NLGN4X: variants seen among roughly 807,000 people sequenced by gnomAD.
NLGN4X encodes neuroligin-4, X-linked.
Under a neutral mutation model 40.3 loss-of-function variants are expected in NLGN4X, and 3 were observed. That is an observed-to-expected ratio of 0.07 (90% CI 0.03 to 0.19). The LOEUF (loss-of-function observed/expected upper bound fraction) is 0.19. Among genes scored for constraint, NLGN4X ranks in the 10% least tolerant of loss-of-function variants. NLGN4X has a pLI of 1.00. For missense variants in NLGN4X, 382 were observed against 708.3 expected, an observed-to-expected ratio of 0.54 and a Z score of 5.23; for synonymous variants, 270 against 306.8, an observed-to-expected ratio of 0.88 and a Z score of 1.25.
chrX:5,972,823 C>T (rs1321053858), intron 3 of NLGN4X, among the ~76,000 whole-genome samples: 1 of 110,535 alleles, frequency 9.0e-6, no homozygotes, highest in Admixed American at 9.7e-5. Context: ...GCTGGGATTA[C>T]AGGCATGAGA....
At chrX:5,906,418 G>A (rs1181855994) in intron 4 of NLGN4X, among the ~76,000 whole-genome samples, 1 of 112,073 alleles carries the variant, frequency 8.9e-6, no homozygotes, top group African/African-American at 3.2e-5. Flanking sequence ...TGCCAATGAA[G>A]ACACTGAGGA....
intron 2 of NLGN4X, among the ~76,000 whole-genome samples, chrX:6,074,044 C>T (rs2038132395): frequency 9.0e-6 from 1 of 110,514 alleles, no homozygotes; most frequent in African/African-American, 3.3e-5. Flanking sequence ...AGGGTCTTCT[C>T]AGGTTCCATT....
At chrX:6,125,603 AG>A (rs1420286635) in intron 2 of NLGN4X, among the ~76,000 whole-genome samples, 21 of 111,461 alleles carry the variant, frequency 1.9e-4, no homozygotes, top group African/African-American at 6.8e-4. Flanking sequence ...GAAATATTTG[AG>A]GAAAAAAACA....
intron 3 of NLGN4X, among the ~76,000 whole-genome samples, chrX:6,022,093 T>C (rs779545572): frequency 8.9e-6 from 1 of 112,511 alleles, no homozygotes; most frequent in Admixed American, 9.4e-5. Flanking sequence ...TGCTTAACTT[T>C]CCTTTCTCCT....
At chrX:6,116,171 C>T (rs1476516443) in intron 2 of NLGN4X, among the ~76,000 whole-genome samples, 3 of 103,143 alleles carry the variant, frequency 2.9e-5, no homozygotes, top group East Asian at 3.1e-4. Context: ...TGGGCGCCTG[C>T]AGTCCCAGCT....
chrX:6,065,901 G>C (rs1378621356), intron 2 of NLGN4X, among the ~76,000 whole-genome samples: 1 of 111,312 alleles, frequency 9.0e-6, no homozygotes, highest in East Asian at 2.8e-4. Flanking sequence ...CCCGAGAAAT[G>C]CATGTCAAAT....
At chrX:6,133,403 A>G (rs1490179878) in intron 2 of NLGN4X, among the ~76,000 whole-genome samples, 1 of 112,350 alleles carries the variant, frequency 8.9e-6, no homozygotes, top group Non-Finnish European at 1.9e-5. Flanking sequence ...CTGAACACAG[A>G]TATACTTTGC....
chrX:6,225,061 C>G (rs1602457248), intron 1 of NLGN4X, among the ~76,000 whole-genome samples: 1 of 89,842 alleles, frequency 1.1e-5, no homozygotes, highest in African/African-American at 4.2e-5. Flanking sequence ...GTGTGTATGT[C>G]TGTATACACA....
At chrX:6,024,165 G>A (rs2036624533) in intron 3 of NLGN4X, among the ~76,000 whole-genome samples, 1 of 111,786 alleles carries the variant, frequency 8.9e-6, no homozygotes, top group African/African-American at 3.3e-5. Flanking sequence ...TTTATTACCT[G>A]GATTAATGTC....
At chrX:6,042,730 T>TATATATATATATATACATACAC (rs1215396694) in intron 2 of NLGN4X, among the ~76,000 whole-genome samples, 1 of 20,149 alleles carries the variant, frequency 5.0e-5, no homozygotes, top group Non-Finnish European at 9.1e-5. Flanking sequence ...TATATATATA[T>TATATATATATATATACATACAC]ACACACACAC....
At chrX:6,215,645 A>C (rs1263011669) in intron 1 of NLGN4X, among the ~76,000 whole-genome samples, 1 of 111,426 alleles carries the variant, frequency 9.0e-6, no homozygotes, top group Non-Finnish European at 1.9e-5. Context: ...GCTCAAGTAC[A>C]TTCAAGTCCT....
intron 3 of NLGN4X, among the ~76,000 whole-genome samples, chrX:5,989,657 A>G (rs2035626314): frequency 8.9e-6 from 1 of 111,923 alleles, no homozygotes; most frequent in Non-Finnish European, 1.9e-5. Context: ...ATGGTTTTTA[A>G]TAACACTTTA....
intron 2 of NLGN4X, among the ~76,000 whole-genome samples, chrX:6,144,064 G>A (rs1340843077): frequency 8.9e-6 from 1 of 111,830 alleles, no homozygotes; most frequent in East Asian, 2.8e-4. Flanking sequence ...AGCTATGACT[G>A]TGACACTGCA....
chrX:6,211,977 G>A (rs1249378710), intron 1 of NLGN4X, among the ~76,000 whole-genome samples: 1 of 111,692 alleles, frequency 9.0e-6, no homozygotes, highest in African/African-American at 3.3e-5. Context: ...TGGGCACAGT[G>A]GCTCATGTCT....
intron 1 of NLGN4X, among the ~76,000 whole-genome samples, chrX:6,201,856 G>A (rs1365672088): frequency 9.0e-6 from 1 of 110,618 alleles, no homozygotes; most frequent in African/African-American, 3.3e-5. Context: ...AGAAGTGAGA[G>A]CAGAAGATAG....
chrX:5,953,651 A>G (rs2034389740), intron 3 of NLGN4X, among the ~76,000 whole-genome samples: 1 of 112,259 alleles, frequency 8.9e-6, no homozygotes, highest in African/African-American at 3.2e-5. Context: ...GTGTATTTGA[A>G]GAGAAACACT....
At chrX:5,983,822 T>G (rs896674333) in intron 3 of NLGN4X, among the ~76,000 whole-genome samples, 6 of 111,881 alleles carry the variant, frequency 5.4e-5, no homozygotes, top group Middle Eastern at 4.6e-3. Flanking sequence ...GGCATGTGAC[T>G]GTAGTCCCAG....
rs1254082703 is a variant in NLGN4X at position 5,948,019 on chromosome X, T to C, written c.626-38780A>G. Among the ~76,000 whole-genome samples, 3 of 111,527 alleles carry C rather than the reference T, an allele frequency of 2.7e-5. No homozygotes were observed. The Admixed American group carries it at 2.9e-4, about 11-fold the overall frequency. ...AGGCAGATAGAGACTGAAAAGAATT[T>C]AAAGGGTCATTGCCAACTTTCCAAA... On this transcript the variant is annotated intron_variant, in intron 3 of 5. Coordinates refer to ENST00000381095, the MANE Select transcript of NLGN4X (RefSeq NM_181332.3).
rs1183571078 is a variant in NLGN4X, at chrX:6,065,953, A to C, written c.473-36521T>G. On this transcript the variant is annotated intron_variant, in intron 2 of 5. Coordinates refer to ENST00000381095, the MANE Select transcript of NLGN4X (RefSeq NM_181332.3). ...TCAATTATATTTCATCTAGGGAATA[A>C]AGTGGATGGTTTAAACATAGTTATA... Among the ~76,000 whole-genome samples the C allele has an allele frequency of 3.6e-5, 4 of 112,105 alleles. No homozygotes were observed. The Admixed American group carries it at 3.8e-4, about 11-fold the overall frequency.
Sources: allele counts gnomAD v4.1 joint callset (sites outside exome capture counted in the v4.1 genomes callset), GRCh38; gene constraint gnomAD v4.1.1; transcripts MANE v1.5; gene names NCBI Gene and HGNC (gene_info 2026-07-23, HGNC 2026-07-21).